Variants in SLC5A9 observed in about 807,000 individuals in gnomAD.
The protein encoded by SLC5A9 is sodium/glucose cotransporter 4.
Under a neutral mutation model 70.9 loss-of-function variants are expected in SLC5A9, and 59 were observed. The observed-to-expected ratio is 0.83, with a 90% CI of 0.68 to 1.03. The LOEUF is 1.03. Ranked by LOEUF, SLC5A9 falls within the 50% of genes least tolerant of loss-of-function variation. The pLI is 0.00. For missense variants in SLC5A9, 832 were observed against 881.1 expected, an observed-to-expected ratio of 0.94 and a Z score of 0.71; for synonymous variants, 340 against 346.5, an observed-to-expected ratio of 0.98 and a Z score of 0.21.
intron 1 of SLC5A9, among the ~76,000 whole-genome samples, chr1:48,223,638 G>A (rs1644102967): frequency 6.6e-6 from 1 of 152,178 alleles, no homozygotes; most frequent in Non-Finnish European, 1.5e-5. Flanking sequence ...ACAGAAGTGT[G>A]AGCACCTTTA....
At chr1:48,245,976 T>A (rs1644456230) in intron 13 of SLC5A9, among the ~76,000 whole-genome samples, 1 of 150,284 alleles carries the variant, frequency 6.7e-6, no homozygotes, top group Non-Finnish European at 1.5e-5. Context: ...ATATATATAA[T>A]ATATAAAATA....
intron 2 of SLC5A9, chr1:48,227,882 C>T (rs949829989): frequency 6.6e-6 from 1 of 152,148 alleles, no homozygotes; most frequent in Non-Finnish European, 1.5e-5. Context: ...GAAGCTGAGG[C>T]GTTGATAGAG....
At chr1:48,242,642 C>A in intron 13 of SLC5A9, 26 bp downstream of exon 13, 1 of 1,588,430 alleles carries the variant, frequency 6.3e-7, no homozygotes, top group Non-Finnish European at 8.6e-7. Context: ...CCGGGGGATA[C>A]TCATCACAGA....
At chr1:48,232,529 A>G (rs1205703310) in intron 8 of SLC5A9, 27 bp downstream of exon 8, 2 of 1,612,858 alleles carry the variant, frequency 1.2e-6, no homozygotes, top group African/African-American at 2.7e-5. Flanking sequence ...CTCTCTGGGT[A>G]TTGGGATCTG....
chr1:48,232,121 G>A lies in SLC5A9; in HGVS notation c.867G>A (p.Val289=), dbSNP rs1159924824. The A allele has an allele frequency of 6.2e-7, 1 of 1,613,980 alleles. No homozygotes were observed. The highest frequency in any genetic ancestry group is 8.5e-7 in the Non-Finnish European group (1 of 1,179,906). The change falls in exon 7 of 14, where the codon GTG becomes GTA. Residue 289 remains valine, a synonymous_variant. Coordinates refer to ENST00000438567, the MANE Select transcript of SLC5A9 (RefSeq NM_001011547.3). ...PWPGLIFGLT[V]LATWCWCTDQ... ...CAGGTCTCATTTTCGGGCTCACAGTGCTGGCCACCTGGTGTTGGTGCACAG... is the reference window on the plus strand; with the variant it reads ...CAGGTCTCATTTTCGGGCTCACAGTACTGGCCACCTGGTGTTGGTGCACAG...
At chr1:48,228,463 CT>C in intron 2 of SLC5A9, 1 of 185,326 alleles carries the variant, frequency 5.4e-6, no homozygotes, top group Non-Finnish European at 1.2e-5. Flanking sequence ...GTGGGAGGGC[CT>C]TTCCTTCCCT....
rs1569833587 is a variant in SLC5A9 at position 48,231,715 on chromosome 1, C to G, written c.691+90C>G. On this transcript the variant is annotated intron_variant, in intron 6 of 13. Transcript: ENST00000438567. ...ACCTCCACAGTTCGATTGAAACTTTCCAGTGCATAGAGCCATGTGAGCCAT... is the reference window on the plus strand; with the variant it reads ...ACCTCCACAGTTCGATTGAAACTTTGCAGTGCATAGAGCCATGTGAGCCAT... The G allele has an allele frequency of 1.5e-5, 23 of 1,556,322 alleles. 1 individual carries two copies. The highest frequency in any genetic ancestry group is 1.9e-5 in the Non-Finnish European group (22 of 1,151,142).
intron 2 of SLC5A9, among the ~76,000 whole-genome samples, chr1:48,227,086 C>T (rs888180872): frequency 2.0e-5 from 3 of 151,258 alleles, no homozygotes; most frequent in Non-Finnish European, 2.9e-5. Context: ...CATACCTGTG[C>T]GTGTGAGGGC....
rs772461163 is a variant in SLC5A9 at position 48,247,371 on chromosome 1, G to A, written c.1874G>A (p.Trp625Ter). 1.2e-6 allele frequency: 2 copies of A among 1,614,108 alleles called. No individual in the cohort carries two copies. Among genetic ancestry groups the A allele is most frequent in the Non-Finnish European group, 1.7e-6 (2 of 1,180,016 alleles). Reference sequence around the variant, plus strand: ...TCCTGGGGAAAGTTGCTCTGGAGCTGGTTCTGTGGGCTCTCTGGAACACCG... The same window carrying A: ...TCCTGGGGAAAGTTGCTCTGGAGCTAGTTCTGTGGGCTCTCTGGAACACCG... ...SRSWGKLLWS[W>*]FCGLSGTPEQ... The change falls in exon 14 of 14, where the codon TGG (tryptophan) becomes TAG (stop). Residue 625 changes from tryptophan to a stop codon, truncating the protein, a stop_gained. Coordinates refer to ENST00000438567, the MANE Select transcript of SLC5A9 (RefSeq NM_001011547.3). LOFTEE classifies it low-confidence loss of function (END_TRUNC).
At chr1:48,241,421 C>T (rs1288679275) in intron 12 of SLC5A9, among the ~76,000 whole-genome samples, 1 of 152,154 alleles carries the variant, frequency 6.6e-6, no homozygotes, top group East Asian at 1.9e-4. Context: ...TGCTTGGGCC[C>T]AGCACAGTGG....
chr1:48,226,707 A>G (rs535748057), intron 2 of SLC5A9, among the ~76,000 whole-genome samples: 314 of 152,304 alleles, frequency 2.1e-3, no homozygotes, highest in African/African-American at 7.0e-3. Flanking sequence ...AGAGGTCTGC[A>G]TGGTCCTCCT....
chr1:48,238,096 A>T (rs1287013352), intron 11 of SLC5A9, among the ~76,000 whole-genome samples: 1 of 152,210 alleles, frequency 6.6e-6, no homozygotes, highest in East Asian at 1.9e-4. Context: ...GCAGAGAGAT[A>T]ACTGAATAAA....
chr1:48,229,281 C>T lies in SLC5A9; in HGVS notation c.340-14C>T, dbSNP rs1407740458. The stretch of plus-strand genomic sequence containing the variant: ...CAGGACCTGGATACCTTCTTCTTCT[C>T]CCCACTCTCCCAGGCAACCTGGCTG... On this transcript the variant is annotated splice_polypyrimidine_tract_variant and intron_variant, in intron 3 of 13. Coordinates refer to ENST00000438567, the MANE Select transcript of SLC5A9 (RefSeq NM_001011547.3). 6 of 1,614,110 alleles carry T rather than the reference C, an allele frequency of 3.7e-6. No individual in the cohort carries two copies. Among genetic ancestry groups the T allele is most frequent in the Admixed American group, 1.7e-5 (1 of 60,022 alleles).
rs752689098 is a variant in SLC5A9 at position 48,247,575 on chromosome 1, T to G, written c.*32T>G. The G allele has an allele frequency of 3.2e-5, 51 of 1,602,708 alleles. No homozygotes were observed. Among genetic ancestry groups the G allele is most frequent in the Non-Finnish European group, 4.3e-5 (50 of 1,169,912 alleles). On this transcript the variant is annotated 3_prime_UTR_variant, in exon 14 of 14. Transcript: ENST00000438567. ...AGACCTGGCTTCAGTGTAGACAGAT[T>G]AAACAAAGCCCAAGCCTGTCAGCCA...
chr1:48,233,601 C>A, intron 8 of SLC5A9, 54 bp from the exon 9 acceptor site: 1 of 1,435,482 alleles, frequency 7.0e-7, no homozygotes, highest in Non-Finnish European at 9.8e-7. Context: ...AATACTAGGC[C>A]AACCTGAGAA....
rs925346484 is a variant in SLC5A9 at position 48,247,479 on chromosome 1, T to C, written c.1982T>C (p.Val661Ala). The stretch of plus-strand genomic sequence containing the variant: ...GAGGAGGAGCCACTCTGGAGACATG[T>C]CTGCAACATCAATGCTGTCCTTTTG... ...SIEEEPLWRH[V>A]CNINAVLLLA... Residue 661 changes from valine (V) to alanine (A), a missense_variant, in exon 14 of 14, where the codon GTC becomes GCC. Val to Ala is a moderately conservative substitution (Grantham distance 64, BLOSUM62 0). Transcript: ENST00000438567. 9 of 1,614,200 alleles carry C rather than the reference T, an allele frequency of 5.6e-6. No homozygotes were observed. Among genetic ancestry groups the C allele is most frequent in the Non-Finnish European group, 7.6e-6 (9 of 1,180,040 alleles).
chr1:48,241,396 TC>T (rs1644388693), intron 12 of SLC5A9, among the ~76,000 whole-genome samples: 1 of 152,154 alleles, frequency 6.6e-6, no homozygotes, highest in East Asian at 1.9e-4. Context: ...GCTCTCATGA[TC>T]CCAGAGAGAT....
chr1:48,231,501 C>T (rs760386213), intron 5 of SLC5A9, 44 bp from the exon 6 acceptor site: 1 of 1,609,764 alleles, frequency 6.2e-7, no homozygotes, highest in Non-Finnish European at 8.5e-7. Flanking sequence ...CAGAGAGGAC[C>T]CCAAACTGGT....
chr1:48,232,167 G>A lies in SLC5A9; in HGVS notation c.897+16G>A, dbSNP rs749905766. 1 of 1,599,136 alleles carries A rather than the reference G, an allele frequency of 6.3e-7. No individual in the cohort carries two copies. The highest frequency in any genetic ancestry group is 8.6e-7 in the Non-Finnish European group (1 of 1,169,420). Reference sequence around the variant, plus strand: ...CACAGACCAGGTAATCCCCCAGCCAGGCTTAGCCCAGCCTGCCAGGAAGTG... The same window carrying A: ...CACAGACCAGGTAATCCCCCAGCCAAGCTTAGCCCAGCCTGCCAGGAAGTG... On this transcript the variant is annotated intron_variant, in intron 7 of 13. Coordinates refer to ENST00000438567, the MANE Select transcript of SLC5A9 (RefSeq NM_001011547.3).
Sources: allele counts gnomAD v4.1 joint callset (sites outside exome capture counted in the v4.1 genomes callset), GRCh38; gene constraint gnomAD v4.1.1; transcripts MANE v1.5; gene names NCBI Gene and HGNC (gene_info 2026-07-23, HGNC 2026-07-21).